PTPRJ: variants seen among roughly 807,000 people sequenced by gnomAD.
PTPRJ encodes the protein protein tyrosine phosphatase receptor type J.
Under a neutral mutation model 141.3 loss-of-function variants are expected in PTPRJ, and 129 were observed. The observed-to-expected ratio is 0.91, with a 90% CI of 0.79 to 1.06. The LOEUF (loss-of-function observed/expected upper bound fraction) is 1.06. Among genes scored for constraint, PTPRJ ranks in the 50% least tolerant of loss-of-function variants. The pLI is 0.00. For synonymous variants in PTPRJ, 610 were observed against 640.5 expected (o/e 0.95, Z 0.72); for missense variants, 1,601 against 1,679.7 (o/e 0.95, Z 0.82).
chr11:48,137,158 A>G lies in PTPRJ; in HGVS notation c.2029A>G (p.Ile677Val). The G allele has an allele frequency of 6.2e-7, 1 of 1,612,940 alleles. No individual in the cohort carries two copies. The highest frequency in any genetic ancestry group is 1.3e-5 in the African/African-American group (1 of 75,038). The change falls in exon 10 of 25, where the codon ATT becomes GTT. Residue 677 changes from isoleucine (I) to valine (V), a missense_variant. Transcript: ENST00000418331. ...SSNATQVVTDIGITDATVTEL... is the reference protein window; with the variant it reads ...SSNATQVVTDVGITDATVTEL... Reference sequence around the variant, plus strand: ...CAACGCAACACAAGTAGTCACGGACATTGGAATTACTGACGCTACAGTCAC... The same window carrying G: ...CAACGCAACACAAGTAGTCACGGACGTTGGAATTACTGACGCTACAGTCAC...
intron 3 of PTPRJ, among the ~76,000 whole-genome samples, chr11:48,114,429 CAAAAAAAAAAAAAA>C (rs71045544): frequency 1.5e-5 from 1 of 68,716 alleles, no homozygotes; most frequent in Admixed American, 2.4e-4. Flanking sequence ...GACTCTGTCT[CAAAAAAAAAAAAAA>C]AAAAAAAAAA....
In PTPRJ at chr11:48,109,639, G is replaced by C. The variant is rs116422316; in HGVS notation, c.97-419G>C. ...ATGGGTCTGGGGAAGGGGTGTGCTG[G>C]GCTTGGTATCCCCCCCACCCAACCC... On this transcript the variant is annotated intron_variant, in intron 1 of 24. Coordinates refer to ENST00000418331, the MANE Select transcript of PTPRJ (RefSeq NM_002843.4). Among the ~76,000 whole-genome samples the C allele has an allele frequency of 3.7e-3, 568 of 152,260 alleles. 3 individuals carry two copies. Among genetic ancestry groups the C allele is most frequent in the African/African-American group, 0.013 (543 of 41,544 alleles).
At chr11:48,022,285 A>T (rs572136152) in intron 1 of PTPRJ, among the ~76,000 whole-genome samples, 341 of 152,002 alleles carry the variant, frequency 2.2e-3, no homozygotes, top group Non-Finnish European at 3.9e-3. Flanking sequence ...GCCAACATGG[A>T]GAAACCCCGT....
chr11:48,096,257 C>G (rs1275831294), intron 1 of PTPRJ, among the ~76,000 whole-genome samples: 1 of 152,142 alleles, frequency 6.6e-6, no homozygotes, highest in Non-Finnish European at 1.5e-5. Flanking sequence ...GGCAGGAAAA[C>G]GATCTGCCAG....
chr11:48,077,081 G>A (rs185025357), intron 1 of PTPRJ, among the ~76,000 whole-genome samples: 18 of 152,180 alleles, frequency 1.2e-4, no homozygotes, highest in Admixed American at 1.1e-3. Context: ...GGTCAGGCTG[G>A]TCTTGAACTC....
intron 1 of PTPRJ, among the ~76,000 whole-genome samples, chr11:48,009,252 T>C (rs1458289873): frequency 6.6e-6 from 1 of 152,222 alleles, no homozygotes; most frequent in Admixed American, 6.5e-5. Flanking sequence ...AGGATGTTTA[T>C]GCTATAAGAA....
chr11:48,115,423 C>T (rs1856540266), intron 3 of PTPRJ, among the ~76,000 whole-genome samples: 2 of 152,184 alleles, frequency 1.3e-5, no homozygotes, highest in African/African-American at 4.8e-5. Context: ...GGAAAACAAC[C>T]TGCCAACCAA....
Position 47,980,795 on chromosome 11 carries a change from C to T in PTPRJ, c.-118C>T, listed in dbSNP as rs1052520689. 2.6e-5 allele frequency: 27 copies of T among 1,036,402 alleles called. No individual in the cohort carries two copies. In the African/African-American group the frequency reaches 3.4e-4, roughly 13 times the overall value. 64.2% of individuals were successfully genotyped at this position (1,036,402 alleles called of 1,614,324 possible). ...CGGGCGGAGCGGGGACGAGGCGGAC[C>T]GGCTGGCGGAGGAGGAGGCGAAGGA... On this transcript the variant is annotated 5_prime_UTR_variant, in exon 1 of 25. Transcript: ENST00000418331.
At chr11:47,995,950 A>G (rs913163030) in intron 1 of PTPRJ, among the ~76,000 whole-genome samples, 1 of 151,902 alleles carries the variant, frequency 6.6e-6, no homozygotes, top group Non-Finnish European at 1.5e-5. Flanking sequence ...AGGCAGGAGA[A>G]GTGCTTGAGC....
At chr11:48,109,082 A>G (rs1856371378) in intron 1 of PTPRJ, among the ~76,000 whole-genome samples, 1 of 152,154 alleles carries the variant, frequency 6.6e-6, no homozygotes, top group African/African-American at 2.4e-5. Flanking sequence ...AGGTCTGGGC[A>G]GAGTGTGTTT....
chr11:48,077,014 C>T (rs1855423280), intron 1 of PTPRJ, among the ~76,000 whole-genome samples: 2 of 152,022 alleles, frequency 1.3e-5, no homozygotes, highest in South Asian at 2.1e-4. Context: ...ATTACAGGCA[C>T]GGGCCACTAT....
chr11:48,100,079 G>A (rs1267065648), intron 1 of PTPRJ, among the ~76,000 whole-genome samples: 1 of 152,152 alleles, frequency 6.6e-6, no homozygotes, highest in Non-Finnish European at 1.5e-5. Flanking sequence ...TTGTGGGGGT[G>A]ATGGAGGCTT....
intron 1 of PTPRJ, among the ~76,000 whole-genome samples, chr11:48,062,361 T>A (rs977124232): frequency 6.6e-6 from 1 of 151,904 alleles, no homozygotes; most frequent in Non-Finnish European, 1.5e-5. Context: ...AAAATACAAA[T>A]AATTAGCTGG....
intron 1 of PTPRJ, among the ~76,000 whole-genome samples, chr11:48,007,989 C>T (rs1854670801): frequency 6.6e-6 from 1 of 152,220 alleles, no homozygotes; most frequent in Admixed American, 6.5e-5. Flanking sequence ...CCCCTTCTTC[C>T]CGACACTAAA....
chr11:48,064,599 GTATT>G (rs1034092227), intron 1 of PTPRJ, among the ~76,000 whole-genome samples: 1 of 132,942 alleles, frequency 7.5e-6, no homozygotes, highest in Non-Finnish European at 1.6e-5. Flanking sequence ...AGCTGCAAAT[GTATT>G]TATTTATTTA....
chr11:48,111,074 C>T (rs1729008772), intron 2 of PTPRJ, among the ~76,000 whole-genome samples: 2 of 151,722 alleles, frequency 1.3e-5, no homozygotes, highest in Non-Finnish European at 2.9e-5. Context: ...TTCAGGAGTT[C>T]GAGAACAGCT....
At chr11:48,072,950 A>T (rs1855299663) in intron 1 of PTPRJ, among the ~76,000 whole-genome samples, 1 of 152,248 alleles carries the variant, frequency 6.6e-6, no homozygotes, top group Non-Finnish European at 1.5e-5. Context: ...ATAAAAAAAT[A>T]GATAATAGTA....
At chr11:48,081,160 G>T (rs1565292842) in intron 1 of PTPRJ, among the ~76,000 whole-genome samples, 2 of 152,238 alleles carry the variant, frequency 1.3e-5, no homozygotes, top group Admixed American at 6.5e-5. Context: ...CCTGGCACAG[G>T]TGCCCAGCCT....
chr11:48,025,691 A>G (rs1853787437), intron 1 of PTPRJ, among the ~76,000 whole-genome samples: 1 of 152,152 alleles, frequency 6.6e-6, no homozygotes, highest in Non-Finnish European at 1.5e-5. Context: ...ACTGCTCCCT[A>G]CAGCTTAAGT....
Sources: gnomAD v4.1 joint callset for allele counts (sites outside exome capture counted in the v4.1 genomes callset) on GRCh38, gnomAD v4.1.1 for gene constraint, MANE v1.5 for transcripts, NCBI Gene and HGNC (gene_info 2026-07-23, HGNC 2026-07-21) for gene names.